The following HERC1 variants were observed in gnomAD, a reference collection of about 807,000 sequenced individuals.
HERC1 encodes HECT and RLD domain containing E3 ubiquitin protein ligase family member 1.
In HERC1, 160 loss-of-function variants were observed where a neutral mutation model predicts 554.3. The ratio of observed to expected loss-of-function variants is 0.29; its 90% confidence interval spans 0.25 to 0.33. The LOEUF (loss-of-function observed/expected upper bound fraction) is 0.33, where lower values mean the gene tolerates loss of function less well. Among genes scored for constraint, HERC1 ranks in the 10% least tolerant of loss-of-function variants. The probability of loss-of-function intolerance (pLI) is 1.00; values close to 1 mark genes in which losing one functional copy is unlikely to be tolerated. For missense variants in HERC1, 4,919 were observed against 5,918.5 expected, an observed-to-expected ratio of 0.83 and a Z score of 5.54; for synonymous variants, 2,175 against 2,131.7, an observed-to-expected ratio of 1.02 and a Z score of -0.56.
At chr15:63,742,927 C>T (rs1408419081) in intron 12 of HERC1, among the ~76,000 whole-genome samples, 1 of 152,118 alleles carries the variant, frequency 6.6e-6, no homozygotes. Flanking sequence ...ACTTTAATAG[C>T]TGGTCTATAG....
At chr15:63,704,061 A>G (rs181695266) in intron 25 of HERC1, among the ~76,000 whole-genome samples, 3 of 152,206 alleles carry the variant, frequency 2.0e-5, no homozygotes, top group Non-Finnish European at 2.9e-5. Context: ...CAACTGCCCA[A>G]CTGAAGATTT....
intron 1 of HERC1, among the ~76,000 whole-genome samples, chr15:63,789,801 A>AAATAAATAAATAAAT (rs2076579471): frequency 7.2e-6 from 1 of 139,086 alleles, no homozygotes; most frequent in Non-Finnish European, 1.5e-5. Context: ...GCCCTGTCTC[A>AAATAAATAAATAAAT]AAATAAATAA....
chr15:63,709,171 T>A (rs2073167613), intron 24 of HERC1, among the ~76,000 whole-genome samples: 4 of 151,770 alleles, frequency 2.6e-5, no homozygotes, highest in Non-Finnish European at 5.9e-5. Flanking sequence ...ATATATTTTT[T>A]ATTTTTTTGT....
chr15:63,661,190 G>T (rs564499263), intron 45 of HERC1, among the ~76,000 whole-genome samples, 165 bp from the exon 46 acceptor site: 1 of 152,240 alleles, frequency 6.6e-6, no homozygotes, highest in East Asian at 1.9e-4. Flanking sequence ...CTGGTATGTA[G>T]GTACACACAT....
At chr15:63,639,628 G>C (rs1027833664) in intron 61 of HERC1, among the ~76,000 whole-genome samples, 7 of 152,144 alleles carry the variant, frequency 4.6e-5, no homozygotes, top group Non-Finnish European at 8.8e-5. Context: ...TATACAAAGA[G>C]GTTGTTAGAT....
intron 1 of HERC1, among the ~76,000 whole-genome samples, chr15:63,808,692 C>G (rs1373288121): frequency 6.6e-6 from 1 of 152,138 alleles, no homozygotes; most frequent in Non-Finnish European, 1.5e-5. Flanking sequence ...TACAATTAAT[C>G]CAGAAATGCA....
chr15:63,807,294 G>A (rs193193587), intron 1 of HERC1, among the ~76,000 whole-genome samples: 1 of 152,138 alleles, frequency 6.6e-6, no homozygotes, highest in East Asian at 1.9e-4. Flanking sequence ...CAGTTGCATT[G>A]GGCCATTGAG....
At chr15:63,655,623 AT>A in intron 50 of HERC1, 118 bp downstream of exon 50, 2 of 694,840 alleles carry the variant, frequency 2.9e-6, no homozygotes, top group Non-Finnish European at 4.7e-6. Flanking sequence ...CACTTCTTTT[AT>A]GTTCTAAACT....
chr15:63,642,399 G>A (rs1351497486), intron 59 of HERC1, among the ~76,000 whole-genome samples: 5 of 152,056 alleles, frequency 3.3e-5, no homozygotes, highest in Non-Finnish European at 7.3e-5. Context: ...GTACAATGGC[G>A]CAGTCTCGGC....
In HERC1 at chr15:63,659,909, T is replaced by C; in HGVS notation, c.9251A>G (p.Glu3084Gly). The change falls in exon 47 of 78, where the codon GAA becomes GGA. Residue 3084 changes from glutamate to glycine, a missense_variant. Physicochemically the swap from Glu to Gly is moderately conservative, Grantham distance 98 (BLOSUM62 -2). Transcript: ENST00000443617. ...TTCTTCACCAGTTAGCTTTTCATCT[T>C]CATCAACATCCAACATGTCCCAGTC... Reference protein sequence around the residue: ...EEDWDMLDVDEDEKLTGEEEF... With the variant: ...EEDWDMLDVDGDEKLTGEEEF... 6.2e-7 allele frequency: 1 copy of C among 1,613,040 alleles called. No homozygotes were observed. The highest frequency in any genetic ancestry group is 8.5e-7 in the Non-Finnish European group (1 of 1,179,126).
chr15:63,615,377 G>A (rs2067771304), intron 76 of HERC1, among the ~76,000 whole-genome samples: 1 of 152,186 alleles, frequency 6.6e-6, no homozygotes, highest in South Asian at 2.1e-4. Flanking sequence ...GGGAAGCTGA[G>A]GCAGGTGGAT....
Position 63,638,329 on chromosome 15 carries a change from C to T in HERC1, c.12093+82G>A. The stretch of plus-strand genomic sequence containing the variant: ...CATAATAGATTATGAAATGGACAAG[C>T]TTTATCCCACAATAAGACAAGCAAA... On this transcript the variant is annotated intron_variant, in intron 63 of 77. Coordinates refer to ENST00000443617, the MANE Select transcript of HERC1 (RefSeq NM_003922.4). The T allele has an allele frequency of 2.9e-6, 4 of 1,400,884 alleles. 1 individual carries two copies. The South Asian group carries it at 5.2e-5, about 18-fold the overall frequency. 86.8% of individuals were successfully genotyped at this position (1,400,884 alleles called of 1,614,324 possible).
At chr15:63,708,562 G>C (rs2073130769) in intron 24 of HERC1, among the ~76,000 whole-genome samples, 1 of 152,152 alleles carries the variant, frequency 6.6e-6, no homozygotes, top group South Asian at 2.1e-4. Context: ...AATGACACCT[G>C]TCAAACAGTT....
intron 1 of HERC1, among the ~76,000 whole-genome samples, chr15:63,805,060 C>T (rs1291853057): frequency 6.6e-6 from 1 of 152,142 alleles, no homozygotes; most frequent in Non-Finnish European, 1.5e-5. Context: ...ACATATGCAA[C>T]AATTCTACTC....
intron 40 of HERC1, 110 bp downstream of exon 40, chr15:63,669,428 A>T: frequency 1.9e-6 from 2 of 1,039,562 alleles, no homozygotes; most frequent in Non-Finnish European, 2.9e-6. Context: ...CCCCTTCATT[A>T]AAATCACTGT....
chr15:63,782,812 AGAGTTTG>A (rs2076324909), intron 1 of HERC1, among the ~76,000 whole-genome samples: 1 of 152,250 alleles, frequency 6.6e-6, no homozygotes, highest in Non-Finnish European at 1.5e-5. Context: ...AATATTAACA[AGAGTTTG>A]GAAGAAGTTG....
At chr15:63,670,221 T>C (rs574082456) in intron 39 of HERC1, among the ~76,000 whole-genome samples, 10 of 152,270 alleles carry the variant, frequency 6.6e-5, no homozygotes, top group South Asian at 2.1e-4. Context: ...AGTACATGAA[T>C]GATATGTCAG....
In HERC1 at chr15:63,624,300, T is replaced by C; in HGVS notation, c.13303A>G (p.Thr4435Ala). 6.2e-7 allele frequency: 1 copy of C among 1,611,568 alleles called. No individual in the cohort carries two copies. The highest frequency in any genetic ancestry group is 8.5e-7 in the Non-Finnish European group (1 of 1,178,208). The change falls in exon 72 of 78, where the codon ACT (threonine) becomes GCT (alanine). Residue 4435 changes from threonine (T) to alanine (A), a missense_variant. By Grantham distance (58) the Thr-to-Ala change is moderately conservative (BLOSUM62 0). Around this residue, in one of 11 missense-constraint regions of HERC1, gnomAD observed 410 missense variants for 467.0 expected, o/e 0.88. Coordinates refer to ENST00000443617, the MANE Select transcript of HERC1 (RefSeq NM_003922.4). The part of the protein sequence containing the change: ...QNSTSHYNAG[T>A]WGIVQGQLRP... ...AGTTGTCCCTGTACAATGCCCCAAG[T>C]TCCAGCATTATAATGGGATGTGCTG...
intron 22 of HERC1, among the ~76,000 whole-genome samples, chr15:63,715,800 T>G (rs1307523155): frequency 6.6e-6 from 1 of 152,244 alleles, no homozygotes; most frequent in Non-Finnish European, 1.5e-5. Context: ...AAAAGTTTTA[T>G]GCACCCAGTC....
Sources: allele counts gnomAD v4.1 joint callset (sites outside exome capture counted in the v4.1 genomes callset), GRCh38; gene constraint gnomAD v4.1.1; regional missense constraint gnomAD v4.1.1; transcripts MANE v1.5; gene names NCBI Gene and HGNC (gene_info 2026-07-23, HGNC 2026-07-21).